DLGAP1: variants seen among roughly 807,000 people sequenced by gnomAD.
The protein encoded by DLGAP1 is disks large-associated protein 1.
DLGAP1 carries 11 observed loss-of-function variants against 90.8 expected under a neutral mutation model. The ratio of observed to expected loss-of-function variants is 0.12; its 90% CI spans 0.08 to 0.20. DLGAP1 has a LOEUF of 0.20. Among genes scored for constraint, DLGAP1 ranks in the 10% least tolerant of loss-of-function variants. The probability of loss-of-function intolerance (pLI) is 1.00; values close to 1 mark genes in which losing one functional copy is unlikely to be tolerated. For missense variants in DLGAP1, 1,050 were observed against 1,333.8 expected, an observed-to-expected ratio of 0.79 and a Z score of 3.31; for synonymous variants, 558 against 540.7, an observed-to-expected ratio of 1.03 and a Z score of -0.44.
chr18:4,232,092 G>A (rs1225643842), intron 1 of DLGAP1, among the ~76,000 whole-genome samples: 1 of 152,040 alleles, frequency 6.6e-6, no homozygotes, highest in East Asian at 1.9e-4. Context: ...ATTAAATCAC[G>A]GATTCATTTT....
At chr18:3,919,454 G>T (rs1284035447) in intron 3 of DLGAP1, among the ~76,000 whole-genome samples, 2 of 152,164 alleles carry the variant, frequency 1.3e-5, no homozygotes, top group South Asian at 2.1e-4. Context: ...TTTACATTTT[G>T]GATTTATTGG....
chr18:3,740,993 ATCACC>A (rs1430579853), intron 6 of DLGAP1, among the ~76,000 whole-genome samples: 4 of 109,686 alleles, frequency 3.6e-5, no homozygotes, highest in African/African-American at 1.1e-4. Context: ...CACCACCACC[ATCACC>A]TCACCACCAC....
chr18:4,317,647 A>G (rs1370318466), intron 1 of DLGAP1, among the ~76,000 whole-genome samples: 1 of 152,166 alleles, frequency 6.6e-6, no homozygotes, highest in Non-Finnish European at 1.5e-5. Context: ...TCACCCAGAA[A>G]CTTGTTTCTA....
rs116209018 is a variant in DLGAP1 at position 3,742,256 on chromosome 18, C to T, written c.1350+79G>A. On this transcript the variant is annotated intron_variant, in intron 6 of 12. Coordinates refer to ENST00000315677, the MANE Select transcript of DLGAP1 (RefSeq NM_004746.4). Reference sequence around the variant, plus strand: ...GTCTACTGGATGAATGACTGCCTCCCCACCTCATGCCCTCTCAATTCTCAC... The same window carrying T: ...GTCTACTGGATGAATGACTGCCTCCTCACCTCATGCCCTCTCAATTCTCAC... The T allele has an allele frequency of 5.9e-6, 9 of 1,524,724 alleles. No homozygotes were observed. In the African/African-American group the frequency reaches 6.8e-5, roughly 12 times the overall value. 94.4% of individuals were successfully genotyped at this position (1,524,724 alleles called of 1,614,324 possible).
intron 2 of DLGAP1, among the ~76,000 whole-genome samples, chr18:4,050,348 T>G (rs1479055905): frequency 6.6e-6 from 1 of 152,188 alleles, no homozygotes; most frequent in Non-Finnish European, 1.5e-5. Context: ...CCTAGACTTG[T>G]ATGGGGTTTT....
chr18:4,357,499 A>G (rs186910340), intron 1 of DLGAP1, among the ~76,000 whole-genome samples: 34 of 152,312 alleles, frequency 2.2e-4, no homozygotes, highest in Admixed American at 4.6e-4. Flanking sequence ...TCACTTCTGT[A>G]TTCTCAGTGT....
chr18:4,280,538 C>A (rs995008722), intron 1 of DLGAP1, among the ~76,000 whole-genome samples: 2 of 152,158 alleles, frequency 1.3e-5, no homozygotes, highest in African/African-American at 4.8e-5. Flanking sequence ...TCTGTCAACT[C>A]CCAGACTAGG....
intron 3 of DLGAP1, among the ~76,000 whole-genome samples, chr18:3,905,266 C>T (rs2071873532): frequency 7.0e-6 from 1 of 142,056 alleles, no homozygotes; most frequent in African/African-American, 2.6e-5. Flanking sequence ...ACTCGGGAGG[C>T]TGAGGCAGGA....
At position 3,954,844 on chromosome 18, in the gene DLGAP1, G is replaced by A. The variant is rs115461447; in HGVS notation, c.-73+50272C>T. 8.3e-3 allele frequency among the ~76,000 whole-genome samples: 1,268 copies of A among 152,282 alleles called. 16 individuals are homozygous for A. The highest frequency in any genetic ancestry group is 0.029 in the African/African-American group (1,220 of 41,550). ...GACATGCGGACAATGAAGGGACAGT[G>A]ATCACTGACAGATGGGAAACAAATA... On this transcript the variant is annotated intron_variant, in intron 3 of 12. Transcript: ENST00000315677.
chr18:4,169,151 T>G (rs770029783), intron 1 of DLGAP1, among the ~76,000 whole-genome samples: 29 of 152,224 alleles, frequency 1.9e-4, no homozygotes, highest in Non-Finnish European at 3.5e-4. Flanking sequence ...GAGGCTACAC[T>G]ATTTAAATTA....
At chr18:4,313,447 G>C (rs958586447) in intron 1 of DLGAP1, among the ~76,000 whole-genome samples, 1 of 152,080 alleles carries the variant, frequency 6.6e-6, no homozygotes, top group Non-Finnish European at 1.5e-5. Context: ...AGTGCAACCT[G>C]GTCAGTCAAG....
chr18:4,168,526 T>G (rs562861955), intron 1 of DLGAP1, among the ~76,000 whole-genome samples: 25 of 152,182 alleles, frequency 1.6e-4, no homozygotes, highest in African/African-American at 6.0e-4. Flanking sequence ...AACTAAAACT[T>G]TATACCCATT....
chr18:4,006,507 G>A (rs2074303409), intron 2 of DLGAP1, among the ~76,000 whole-genome samples: 1 of 149,516 alleles, frequency 6.7e-6, no homozygotes, highest in Non-Finnish European at 1.5e-5. Flanking sequence ...GTCACTCTAA[G>A]AGTGCTCCAG....
chr18:3,694,939 GTTT>G (rs1219198458), intron 7 of DLGAP1, among the ~76,000 whole-genome samples: 6 of 125,316 alleles, frequency 4.8e-5, no homozygotes, highest in African/African-American at 1.5e-4. Context: ...TGTTTTTTTT[GTTT>G]TTTTTTTTTT....
intron 2 of DLGAP1, among the ~76,000 whole-genome samples, chr18:4,015,123 T>G (rs1476355338): frequency 6.6e-6 from 1 of 152,138 alleles, no homozygotes; most frequent in Non-Finnish European, 1.5e-5. Flanking sequence ...CGGTGACTCT[T>G]CTGTGGATTG....
intron 2 of DLGAP1, among the ~76,000 whole-genome samples, chr18:4,063,223 A>G (rs2075323891): frequency 6.6e-6 from 1 of 152,118 alleles, no homozygotes; most frequent in Admixed American, 6.6e-5. Flanking sequence ...AAGTCACTGA[A>G]GCAATGTTAC....
At chr18:4,033,569 T>C (rs1391270943) in intron 2 of DLGAP1, among the ~76,000 whole-genome samples, 1 of 152,162 alleles carries the variant, frequency 6.6e-6, no homozygotes, top group African/African-American at 2.4e-5. Flanking sequence ...ATCCAAAAAA[T>C]GGCTCACCAC....
intron 3 of DLGAP1, among the ~76,000 whole-genome samples, chr18:3,890,514 C>T (rs1283312394): frequency 6.6e-6 from 1 of 152,160 alleles, no homozygotes; most frequent in African/African-American, 2.4e-5. Flanking sequence ...TTTTAAAGTG[C>T]CTTATTCTGA....
chr18:3,843,338 G>T (rs2068825336), intron 4 of DLGAP1, among the ~76,000 whole-genome samples: 2 of 152,182 alleles, frequency 1.3e-5, no homozygotes, highest in Admixed American at 6.5e-5. Flanking sequence ...TGGCCAAAGA[G>T]CCTTGCACAT....
Sources: gnomAD v4.1 joint callset for allele counts (sites outside exome capture counted in the v4.1 genomes callset) on GRCh38, gnomAD v4.1.1 for gene constraint, MANE v1.5 for transcripts, NCBI Gene and HGNC (gene_info 2026-07-23, HGNC 2026-07-21) for gene names.